The following TSPAN18 variants were observed in gnomAD, a reference collection of about 807,000 sequenced individuals.
TSPAN18 encodes the protein tetraspanin-18.
Under a neutral mutation model 27.3 loss-of-function variants are expected in TSPAN18, and 14 were observed. That is an observed-to-expected ratio of 0.51 (90% confidence interval 0.34 to 0.80). The LOEUF (loss-of-function observed/expected upper bound fraction) is 0.80, where lower values mean the gene tolerates loss of function less well. Among genes scored for constraint, TSPAN18 ranks in the 30% least tolerant of loss-of-function variants. The pLI is 0.01. For synonymous variants in TSPAN18, 143 were observed against 136.5 expected (o/e 1.05, Z -0.33); for missense variants, 268 against 323.9 (o/e 0.83, Z 1.32).
chr11:44,774,824 T>C (rs1006384802), intron 2 of TSPAN18, among the ~76,000 whole-genome samples: 1 of 152,236 alleles, frequency 6.6e-6, no homozygotes, highest in African/African-American at 2.4e-5. Flanking sequence ...GTGGCTGTTC[T>C]TGTTAAGACA....
chr11:44,765,242 C>T (rs1855539505), intron 2 of TSPAN18, among the ~76,000 whole-genome samples: 1 of 152,172 alleles, frequency 6.6e-6, no homozygotes, highest in Non-Finnish European at 1.5e-5. Context: ...TGTTCCAGCA[C>T]TCACGCCCTC....
intron 2 of TSPAN18, among the ~76,000 whole-genome samples, chr11:44,783,329 G>A (rs918083781): frequency 2.0e-5 from 3 of 151,410 alleles, no homozygotes; most frequent in African/African-American, 7.3e-5. Flanking sequence ...TTAGGAAAAT[G>A]AATAGGAAAG....
At chr11:44,739,664 A>C (rs1854883769) in intron 1 of TSPAN18, among the ~76,000 whole-genome samples, 1 of 152,220 alleles carries the variant, frequency 6.6e-6, no homozygotes, top group Non-Finnish European at 1.5e-5. Context: ...TTCCTGGTGA[A>C]AGACTTAGGA....
intron 2 of TSPAN18, among the ~76,000 whole-genome samples, chr11:44,765,283 AT>A (rs1855541998): frequency 6.6e-6 from 1 of 152,204 alleles, no homozygotes; most frequent in Non-Finnish European, 1.5e-5. Flanking sequence ...CAGGGCTGAA[AT>A]AGAAGAAGTG....
At chr11:44,823,456 A>G (rs1192740583) in intron 2 of TSPAN18, among the ~76,000 whole-genome samples, 1 of 152,046 alleles carries the variant, frequency 6.6e-6, no homozygotes, top group Non-Finnish European at 1.5e-5. Flanking sequence ...TGGACTCACA[A>G]TGGTGAGTGC....
At chr11:44,801,961 G>A (rs1412010539) in intron 2 of TSPAN18, among the ~76,000 whole-genome samples, 1 of 152,116 alleles carries the variant, frequency 6.6e-6, no homozygotes, top group African/African-American at 2.4e-5. Context: ...GAGCCTGGGA[G>A]GTCAAGACTG....
chr11:44,834,344 T>C lies in TSPAN18; in HGVS notation c.-152-25984T>C, dbSNP rs1857219554. The stretch of plus-strand genomic sequence containing the variant: ...TCGCTGCCTAAGCTGGGGCTTTTTG[T>C]TGGCTCCAAAAGGAGAGAGCCACAC... On this transcript the variant is annotated intron_variant, in intron 2 of 9. Transcript: ENST00000520358. Among the ~76,000 whole-genome samples the C allele has an allele frequency of 3.3e-5, 5 of 152,232 alleles. No homozygotes were observed. The South Asian group carries it at 1.0e-3, about 32-fold the overall frequency.
At position 44,919,934 on chromosome 11, in the gene TSPAN18, C is replaced by A. The variant is rs144981841; in HGVS notation, c.550C>A (p.Arg184=). The change falls in exon 8 of 10, where the codon CGG becomes AGG. Residue 184 remains arginine (R), a synonymous_variant. Coordinates refer to ENST00000520358, the MANE Select transcript of TSPAN18 (RefSeq NM_130783.5). ...EACCRREPQS[R]DGVLLSREEC... is the part of the protein sequence containing the mutation. ...CTGCTGCCGGAGGGAACCCCAAAGT[C>A]GGGACGGGGTCCTGCTGAGCCGGGA... 8 of 1,614,078 alleles carry A rather than the reference C, an allele frequency of 5.0e-6. No individual in the cohort carries two copies. Among genetic ancestry groups the A allele is most frequent in the Non-Finnish European group, 6.8e-6 (8 of 1,180,042 alleles).
intron 3 of TSPAN18, among the ~76,000 whole-genome samples, chr11:44,897,363 C>G (rs1253040410): frequency 6.6e-6 from 1 of 152,206 alleles, no homozygotes; most frequent in Non-Finnish European, 1.5e-5. Context: ...CTGGCACTCT[C>G]TCTGCTGAAG....
intron 3 of TSPAN18, among the ~76,000 whole-genome samples, chr11:44,881,874 G>T (rs1858498686): frequency 6.6e-6 from 1 of 152,194 alleles, no homozygotes; most frequent in African/African-American, 2.4e-5. Context: ...TGGCAAACCT[G>T]ATATGATGCC....
At chr11:44,862,940 A>G (rs1857936390) in intron 3 of TSPAN18, among the ~76,000 whole-genome samples, 1 of 152,136 alleles carries the variant, frequency 6.6e-6, no homozygotes, top group South Asian at 2.1e-4. Context: ...CTGCTCCTGG[A>G]GTGTGCACCT....
intron 3 of TSPAN18, chr11:44,885,758 T>C (rs1283209402): frequency 1.3e-5 from 2 of 152,272 alleles, no homozygotes; most frequent in African/African-American, 2.4e-5. Flanking sequence ...AGGGTGCTTC[T>C]GTCACGGTCT....
chr11:44,864,382 C>T (rs1857980012), intron 3 of TSPAN18, among the ~76,000 whole-genome samples: 2 of 151,764 alleles, frequency 1.3e-5, no homozygotes, highest in African/African-American at 2.4e-5. Context: ...TACCCAGAAT[C>T]ACATTTATTC....
At chr11:44,739,394 G>A (rs369221371) in intron 1 of TSPAN18, among the ~76,000 whole-genome samples, 1 of 152,110 alleles carries the variant, frequency 6.6e-6, no homozygotes, top group East Asian at 1.9e-4. Flanking sequence ...AGGCTGAGGC[G>A]GGCAGATCAC....
chr11:44,890,742 C>CAAAAAAAAA (rs60185116), intron 3 of TSPAN18, among the ~76,000 whole-genome samples: 1 of 80,452 alleles, frequency 1.2e-5, no homozygotes, highest in Non-Finnish European at 2.5e-5. Context: ...GACTCCAACT[C>CAAAAAAAAA]AAAAAAAAAA....
chr11:44,780,230 ACAAGCTGCAAC>A (rs1855907467), intron 2 of TSPAN18, among the ~76,000 whole-genome samples: 1 of 152,138 alleles, frequency 6.6e-6, no homozygotes, highest in South Asian at 2.1e-4. Flanking sequence ...ACACACGTTC[ACAAGCTGCAAC>A]CAAGCTATTA....
chr11:44,791,850 G>A (rs938461372), intron 2 of TSPAN18, among the ~76,000 whole-genome samples: 2 of 152,224 alleles, frequency 1.3e-5, no homozygotes, highest in African/African-American at 2.4e-5. Context: ...ATTTCACCCA[G>A]CGAGCTTCGG....
chr11:44,809,001 T>G (rs1856660611), intron 2 of TSPAN18, among the ~76,000 whole-genome samples: 1 of 152,154 alleles, frequency 6.6e-6, no homozygotes, highest in Non-Finnish European at 1.5e-5. Flanking sequence ...CTATAGCAAC[T>G]ACCATGGGAC....
chr11:44,747,105 C>T (rs1446251850), intron 1 of TSPAN18, among the ~76,000 whole-genome samples: 1 of 152,282 alleles, frequency 6.6e-6, no homozygotes, highest in African/African-American at 2.4e-5. Context: ...GTGGCTGCAG[C>T]TCCCAGCAGC....
Sources: gnomAD v4.1 joint callset for allele counts (sites outside exome capture counted in the v4.1 genomes callset) on GRCh38, gnomAD v4.1.1 for gene constraint, MANE v1.5 for transcripts, NCBI Gene and HGNC (gene_info 2026-07-23, HGNC 2026-07-21) for gene names.